CHRM5: variants seen among roughly 807,000 people sequenced by gnomAD.
CHRM5 encodes the protein cholinergic receptor muscarinic 5.
Under a neutral mutation model 39.0 loss-of-function variants are expected in CHRM5, and 18 were observed. That is an observed-to-expected ratio of 0.46 (90% confidence interval 0.32 to 0.68). The LOEUF (loss-of-function observed/expected upper bound fraction) is 0.68. Ranked by LOEUF, CHRM5 falls within the 30% of genes least tolerant of loss-of-function variation. CHRM5 has a pLI of 0.04. For missense variants in CHRM5, 515 were observed against 651.1 expected (o/e 0.79, Z 2.28); for synonymous variants, 241 against 246.3 (o/e 0.98, Z 0.20).
intron 1 of CHRM5, among the ~76,000 whole-genome samples, chr15:34,023,642 G>C (rs1229698948): frequency 2.0e-5 from 3 of 152,074 alleles, no homozygotes; most frequent in Non-Finnish European, 2.9e-5. Context: ...CTGACCTCTG[G>C]AACACTGTCC....
intron 2 of CHRM5, among the ~76,000 whole-genome samples, chr15:34,051,720 A>C (rs1899930345): frequency 6.6e-6 from 1 of 152,222 alleles, no homozygotes; most frequent in Non-Finnish European, 1.5e-5. Flanking sequence ...ACTTCTATGC[A>C]CGTAAACTAG....
intron 1 of CHRM5, among the ~76,000 whole-genome samples, chr15:34,025,979 T>A (rs1597366465): frequency 6.6e-6 from 1 of 152,320 alleles, no homozygotes; most frequent in East Asian, 1.9e-4. Flanking sequence ...ATAATCACAA[T>A]ATATTTGTAG....
At chr15:34,060,921 C>A (rs1490562276) in intron 2 of CHRM5, among the ~76,000 whole-genome samples, 1 of 151,194 alleles carries the variant, frequency 6.6e-6, no homozygotes, top group African/African-American at 2.4e-5. Context: ...GAGGCTGAGG[C>A]AGGAGAATGG....
In CHRM5 at chr15:34,013,660, T is replaced by A. The variant is rs189184074; in HGVS notation, c.-407-32880T>A. ...CAGTGCTGTGGGAAACACGGAGAAGTAAACATATATAGTGTGATATCAGCT... is the reference window on the plus strand; with the variant it reads ...CAGTGCTGTGGGAAACACGGAGAAGAAAACATATATAGTGTGATATCAGCT... On this transcript the variant is annotated intron_variant, in intron 1 of 2. Transcript: ENST00000383263. Among the ~76,000 whole-genome samples, 27 of 152,160 alleles carry A rather than the reference T, an allele frequency of 1.8e-4. No homozygotes were observed. The East Asian group carries it at 5.0e-3, about 28-fold the overall frequency.
chr15:34,054,990 C>G (rs902578269), intron 2 of CHRM5, among the ~76,000 whole-genome samples: 38 of 151,734 alleles, frequency 2.5e-4, no homozygotes, highest in African/African-American at 8.9e-4. Context: ...GTCAGGAGTT[C>G]GAGACCAGCC....
chr15:34,063,489 C>T lies in CHRM5; in HGVS notation c.772C>T (p.Arg258Ter), dbSNP rs1190681112. The change falls in exon 3 of 3, where the codon CGA (arginine) becomes TGA (stop). Residue 258 changes from arginine to a stop codon, truncating the protein, a stop_gained. Coordinates refer to ENST00000383263, the MANE Select transcript of CHRM5 (RefSeq NM_012125.4). LOFTEE classifies it high-confidence loss of function. The surrounding 1 kb of genome is among the most constrained non-coding windows in gnomAD (Gnocchi z 4.1). ...ALFRSCLRCP[R>*]PTLAQRERNQ... ...GTTCAGATCCTGCTTGCGCTGTCCT[C>T]GACCCACCCTGGCCCAGCGGGAAAG... 2 of 1,613,838 alleles carry T rather than the reference C, an allele frequency of 1.2e-6. No homozygotes were observed. Among genetic ancestry groups the T allele is most frequent in the Non-Finnish European group, 8.5e-7 (1 of 1,180,044 alleles).
chr15:33,969,406 T>G (rs1895530564), intron 1 of CHRM5, among the ~76,000 whole-genome samples: 1 of 151,986 alleles, frequency 6.6e-6, no homozygotes, highest in Non-Finnish European at 1.5e-5. Flanking sequence ...ATCCCAATTT[T>G]GTTTTATTTA....
intron 1 of CHRM5, among the ~76,000 whole-genome samples, chr15:34,023,104 A>G (rs1350750714): frequency 6.6e-6 from 1 of 152,146 alleles, no homozygotes; most frequent in Non-Finnish European, 1.5e-5. Context: ...GAACTGCTTG[A>G]ACCCAGGCAG....
intron 1 of CHRM5, among the ~76,000 whole-genome samples, chr15:33,983,542 G>T (rs1025325778): frequency 2.0e-4 from 31 of 152,072 alleles, no homozygotes; most frequent in African/African-American, 7.2e-4. Context: ...GGCAATTCTT[G>T]GCTTCAGAGA....
At chr15:34,006,439 A>G (rs1249396011) in intron 1 of CHRM5, among the ~76,000 whole-genome samples, 1 of 152,248 alleles carries the variant, frequency 6.6e-6, no homozygotes, top group East Asian at 1.9e-4. Flanking sequence ...AACAGAGTTC[A>G]GAGAGGCTTC....
At chr15:34,047,069 G>A (rs1899721764) in intron 2 of CHRM5, among the ~76,000 whole-genome samples, 198 bp downstream of exon 2, 1 of 110,710 alleles carries the variant, frequency 9.0e-6, no homozygotes, top group Non-Finnish European at 2.0e-5. Flanking sequence ...TGGTTTTTTT[G>A]TTGGTTTTTT....
intron 1 of CHRM5, among the ~76,000 whole-genome samples, chr15:34,038,546 C>G (rs114411704): frequency 0.016 from 2,366 of 152,094 alleles, 74 homozygotes; most frequent in African/African-American, 0.054. Flanking sequence ...CCTCCTACCC[C>G]CACTGTCTCG....
intron 1 of CHRM5, among the ~76,000 whole-genome samples, chr15:34,017,806 A>C (rs1898007014): frequency 6.6e-6 from 1 of 152,138 alleles, no homozygotes; most frequent in East Asian, 1.9e-4. Flanking sequence ...TAAAATTATT[A>C]AAAACTCCAT....
At position 34,064,692 on chromosome 15, in the gene CHRM5, T is replaced by C. The variant is rs1410771834; in HGVS notation, c.*376T>C. ...GTGGAAACCTTTTCCTGTGGAAACC[T>C]GTCATAGAATTTTGTGCAATATGTA... On this transcript the variant is annotated 3_prime_UTR_variant, in exon 3 of 3. Coordinates refer to ENST00000383263, the MANE Select transcript of CHRM5 (RefSeq NM_012125.4). The C allele has an allele frequency of 3.4e-5, 8 of 232,668 alleles. No individual in the cohort carries two copies. The highest frequency in any genetic ancestry group is 1.1e-4 in the African/African-American group (5 of 43,538). 14.4% of individuals were successfully genotyped at this position (232,668 alleles called of 1,614,324 possible).
At chr15:34,020,310 CAA>C (rs5811813) in intron 1 of CHRM5, among the ~76,000 whole-genome samples, 3 of 147,420 alleles carry the variant, frequency 2.0e-5, no homozygotes, top group Non-Finnish European at 4.5e-5. Context: ...GACTCCATCT[CAA>C]AAAAAAAAGA....
intron 1 of CHRM5, among the ~76,000 whole-genome samples, chr15:33,971,817 T>A (rs535732): frequency 6.6e-6 from 1 of 151,962 alleles, no homozygotes; most frequent in Admixed American, 6.6e-5. Flanking sequence ...ATTTTCCTTA[T>A]GAAGTGACCA....
intron 1 of CHRM5, among the ~76,000 whole-genome samples, chr15:34,008,768 G>A (rs992105650): frequency 4.6e-5 from 7 of 152,146 alleles, no homozygotes; most frequent in East Asian, 3.9e-4. Context: ...GATTACAGGC[G>A]TGAGCCACCG....
intron 1 of CHRM5, among the ~76,000 whole-genome samples, chr15:33,992,460 G>T (rs867368913): frequency 2.9e-4 from 44 of 152,086 alleles, no homozygotes; most frequent in South Asian, 8.3e-4. Flanking sequence ...AAGTTTTTTT[G>T]TTATCGGAGT....
chr15:33,982,032 CT>C (rs112770455), intron 1 of CHRM5, among the ~76,000 whole-genome samples: 72 of 144,612 alleles, frequency 5.0e-4, no homozygotes, highest in Admixed American at 6.2e-4. Context: ...TGTATTTTTT[CT>C]TTTTTTTTTT....
Sources: gnomAD v4.1 joint callset for allele counts (sites outside exome capture counted in the v4.1 genomes callset) on GRCh38, gnomAD v4.1.1 for gene constraint, Gnocchi (gnomAD v3.1) non-coding constraint, MANE v1.5 for transcripts, NCBI Gene and HGNC (gene_info 2026-07-23, HGNC 2026-07-21) for gene names.